The following PRKCZ variants were observed in gnomAD, a reference collection of about 807,000 sequenced individuals.
The protein encoded by PRKCZ is protein kinase C zeta.
Under a neutral mutation model 79.5 loss-of-function variants are expected in PRKCZ, and 33 were observed. The observed-to-expected ratio is 0.41, with a 90% confidence interval of 0.31 to 0.55. PRKCZ has a LOEUF of 0.55. Ranked by LOEUF, PRKCZ falls within the 20% of genes least tolerant of loss-of-function variation. PRKCZ has a pLI of 0.19. For synonymous variants in PRKCZ, 342 were observed against 320.9 expected (o/e 1.07, Z -0.70); for missense variants, 578 against 813.5 (o/e 0.71, Z 3.52).
At chr1:2,088,788 G>A (rs1664974453) in intron 4 of PRKCZ, among the ~76,000 whole-genome samples, 1 of 152,180 alleles carries the variant, frequency 6.6e-6, no homozygotes, top group Non-Finnish European at 1.5e-5. Context: ...GCGCAACATA[G>A]CAAGACCCCA....
Position 2,172,196 on chromosome 1 carries a change from T to C in PRKCZ, c.1197+6T>C. Reference sequence around the variant, plus strand: ...CAGACTACGGCATGTGCAAGGTGCGTGCCTTGGACCGCCTCCCCTGACCAT... The same window carrying C: ...CAGACTACGGCATGTGCAAGGTGCGCGCCTTGGACCGCCTCCCCTGACCAT... On this transcript the variant is annotated splice_donor_region_variant and intron_variant, in intron 12 of 17. Transcript: ENST00000378567. The surrounding 1 kb of genome is among the most constrained non-coding windows in gnomAD (Gnocchi z 7.8). 6.2e-7 allele frequency: 1 copy of C among 1,613,208 alleles called. No individual in the cohort carries two copies. The highest frequency in any genetic ancestry group is 1.1e-5 in the South Asian group (1 of 91,070).
intron 4 of PRKCZ, among the ~76,000 whole-genome samples, chr1:2,095,918 C>T (rs985270453): frequency 7.8e-6 from 1 of 127,602 alleles, no homozygotes; most frequent in Non-Finnish European, 1.7e-5. Context: ...CCCTCCTCTC[C>T]CCTCCCTTCC....
At chr1:2,135,180 G>C in intron 4 of PRKCZ, 82 bp from the exon 5 acceptor site, 4 of 1,235,230 alleles carry the variant, frequency 3.2e-6, no homozygotes, top group Non-Finnish European at 4.6e-6. Flanking sequence ...CACCTGGACG[G>C]GAGTGGCCTG....
At chr1:2,135,377 A>G in intron 5 of PRKCZ, 30 bp downstream of exon 5, 1 of 1,555,744 alleles carries the variant, frequency 6.4e-7, no homozygotes, top group Non-Finnish European at 8.8e-7. Flanking sequence ...CTAGTCCCTC[A>G]AGGGGCCTTT....
chr1:2,112,171 G>T (rs1249319915), intron 4 of PRKCZ, among the ~76,000 whole-genome samples: 2 of 152,174 alleles, frequency 1.3e-5, no homozygotes, highest in Non-Finnish European at 2.9e-5. Flanking sequence ...CAGGGTGCGG[G>T]TTCCAGGAGT....
At chr1:2,051,219 C>G (rs557113723) in intron 1 of PRKCZ, among the ~76,000 whole-genome samples, 5 of 151,606 alleles carry the variant, frequency 3.3e-5, no homozygotes, top group African/African-American at 9.8e-5. Flanking sequence ...CTGGAGGAGA[C>G]GGTGGGGCCG....
intron 4 of PRKCZ, among the ~76,000 whole-genome samples, chr1:2,088,958 G>A (rs1048679435): frequency 1.3e-5 from 2 of 152,136 alleles, no homozygotes; most frequent in African/African-American, 4.8e-5. Flanking sequence ...TTTGTTTTCC[G>A]AGAGCATATC....
chr1:2,080,392 A>G (rs895089355), intron 4 of PRKCZ, among the ~76,000 whole-genome samples: 2 of 131,872 alleles, frequency 1.5e-5, no homozygotes, highest in Non-Finnish European at 3.0e-5. Flanking sequence ...ACTGCTCTGC[A>G]TCCTGAGGGG....
At chr1:2,061,586 G>C (rs896203451) in intron 4 of PRKCZ, among the ~76,000 whole-genome samples, 1 of 152,190 alleles carries the variant, frequency 6.6e-6, no homozygotes, top group Non-Finnish European at 1.5e-5. Flanking sequence ...ACGGCTTCGG[G>C]GACCACTCAG....
intron 4 of PRKCZ, chr1:2,074,543 A>G: frequency 1.7e-6 from 1 of 577,610 alleles, no homozygotes; most frequent in East Asian, 2.9e-5. Flanking sequence ...CCCAGGTGCC[A>G]GGGCTGGTAG....
At chr1:2,132,288 A>G (rs895438717) in intron 4 of PRKCZ, among the ~76,000 whole-genome samples, 5 of 152,280 alleles carry the variant, frequency 3.3e-5, no homozygotes, top group African/African-American at 1.2e-4. Context: ...ACATCGGTTT[A>G]TTTATGCATT....
intron 5 of PRKCZ, chr1:2,143,184 A>G (rs1677757240): frequency 6.6e-6 from 1 of 151,926 alleles, no homozygotes. Flanking sequence ...GCCCGCCACC[A>G]CACCTGGCTA....
intron 1 of PRKCZ, 25 bp from the exon 2 acceptor site, chr1:2,055,416 G>T (rs777924677): frequency 3.8e-6 from 6 of 1,577,878 alleles, no homozygotes; most frequent in Non-Finnish European, 5.2e-6. Context: ...CACGGTAACA[G>T]ATGCCCATGT....
At chr1:2,121,056 C>T (rs1012359113) in intron 4 of PRKCZ, among the ~76,000 whole-genome samples, 4 of 152,086 alleles carry the variant, frequency 2.6e-5, no homozygotes, top group East Asian at 1.9e-4. Flanking sequence ...TTGGGTGATC[C>T]GTTTGCCTCA....
chr1:2,067,601 G>A (rs376706888), intron 4 of PRKCZ, among the ~76,000 whole-genome samples: 6 of 152,170 alleles, frequency 3.9e-5, no homozygotes, highest in East Asian at 3.9e-4. Flanking sequence ...CTGCTGCCAC[G>A]TGTGCCGGGC....
At chr1:2,055,219 G>A (rs1486456341) in intron 1 of PRKCZ, among the ~76,000 whole-genome samples, 3 of 150,864 alleles carry the variant, frequency 2.0e-5, no homozygotes, top group African/African-American at 4.9e-5. Flanking sequence ...TGGGATGACA[G>A]GTGTCAGGCA....
intron 17 of PRKCZ, 27 bp from the exon 18 acceptor site, chr1:2,184,895 C>G: frequency 6.3e-7 from 1 of 1,597,712 alleles, no homozygotes. Flanking sequence ...CGGTCACCCC[C>G]CTCCCCCCTG....
chr1:2,076,223 G>A (rs577180360), intron 4 of PRKCZ, among the ~76,000 whole-genome samples: 10 of 152,162 alleles, frequency 6.6e-5, no homozygotes, highest in Non-Finnish European at 1.2e-4. Context: ...CGTGGTGCTC[G>A]AGTGTGGGCT....
At position 2,173,519 on chromosome 1, in the gene PRKCZ, CAG is replaced by C. The variant is rs1263179842; in HGVS notation, c.1286-377_1286-376del. Among the ~76,000 whole-genome samples, 1 of 152,200 alleles carries C rather than the reference CAG, an allele frequency of 6.6e-6. No individual in the cohort carries two copies. Among genetic ancestry groups the C allele is most frequent in the East Asian group, 1.9e-4 (1 of 5,198 alleles). ...AACAAAATGGCTGTAGAAGGAAACA[CAG>C]GAGAGTATTTCCGTTACTGCAGCGA... On this transcript the variant is annotated intron_variant, in intron 13 of 17. Coordinates refer to ENST00000378567, the MANE Select transcript of PRKCZ (RefSeq NM_002744.6). This position sits in a 1 kb window ranked among gnomAD's most constrained non-coding sequence, Gnocchi z 5.7.
Sources: allele counts gnomAD v4.1 joint callset (sites outside exome capture counted in the v4.1 genomes callset), GRCh38; gene constraint gnomAD v4.1.1; non-coding constraint Gnocchi (gnomAD v3.1); transcripts MANE v1.5; gene names NCBI Gene and HGNC (gene_info 2026-07-23, HGNC 2026-07-21).